C1orf21: variants seen among roughly 807,000 people sequenced by gnomAD.
C1orf21 encodes chromosome 1 open reading frame 21.
A neutral mutation model predicts 18.7 loss-of-function variants in C1orf21; 3 were observed. The observed-to-expected ratio is 0.16, with a 90% CI of 0.07 to 0.42. The LOEUF (loss-of-function observed/expected upper bound fraction) is 0.42. C1orf21 is among the 10% of genes least tolerant of loss of function. The probability of loss-of-function intolerance (pLI) is 0.99; values close to 1 mark genes in which losing one functional copy is unlikely to be tolerated. For synonymous variants in C1orf21, 41 were observed against 46.4 expected (o/e 0.88, Z 0.47); for missense variants, 104 against 143.6 (o/e 0.72, Z 1.41).
At chr1:184,423,790 C>T (rs550709573) in intron 1 of C1orf21, among the ~76,000 whole-genome samples, 1 of 152,044 alleles carries the variant, frequency 6.6e-6, no homozygotes, top group South Asian at 2.1e-4. Context: ...ATCCATTCAT[C>T]CCTCCTTCCA....
At chr1:184,491,173 G>A (rs1203510475) in intron 2 of C1orf21, among the ~76,000 whole-genome samples, 1 of 152,058 alleles carries the variant, frequency 6.6e-6, no homozygotes, top group African/African-American at 2.4e-5. Context: ...TATTTAGAAA[G>A]TTCTCTGGAT....
At chr1:184,571,007 G>A (rs1017627916) in intron 3 of C1orf21, among the ~76,000 whole-genome samples, 4 of 152,086 alleles carry the variant, frequency 2.6e-5, no homozygotes, top group East Asian at 1.9e-4. Context: ...GAAAAGGTAC[G>A]GTAAGGCCGG....
At chr1:184,409,934 G>A (rs1475899372) in intron 1 of C1orf21, among the ~76,000 whole-genome samples, 1 of 152,162 alleles carries the variant, frequency 6.6e-6, no homozygotes, top group Non-Finnish European at 1.5e-5. Context: ...AGGGATTCAT[G>A]TATGAAAAAT....
chr1:184,613,473 A>G (rs1393317345), intron 5 of C1orf21, among the ~76,000 whole-genome samples: 1 of 152,200 alleles, frequency 6.6e-6, no homozygotes, highest in African/African-American at 2.4e-5. Context: ...CAAGCTATTC[A>G]TGTAACAGGG....
intron 3 of C1orf21, among the ~76,000 whole-genome samples, chr1:184,550,099 A>G: frequency 6.6e-6 from 1 of 152,204 alleles, no homozygotes; most frequent in East Asian, 1.9e-4. Context: ...TTAAGTCATG[A>G]TGTGACAAAA....
intron 5 of C1orf21, among the ~76,000 whole-genome samples, chr1:184,616,678 A>G (rs1659828746): frequency 6.6e-6 from 1 of 151,912 alleles, no homozygotes; most frequent in African/African-American, 2.4e-5. Context: ...GCATGTGTGC[A>G]CGTGTGTGTG....
intron 3 of C1orf21, among the ~76,000 whole-genome samples, chr1:184,576,499 T>C (rs1659191621): frequency 6.6e-6 from 1 of 152,224 alleles, no homozygotes; most frequent in Admixed American, 6.5e-5. Context: ...CCTCTCACTG[T>C]CTTGCCAGTT....
At chr1:184,469,266 A>C (rs1053858584) in intron 1 of C1orf21, among the ~76,000 whole-genome samples, 1 of 152,108 alleles carries the variant, frequency 6.6e-6, no homozygotes, top group South Asian at 2.1e-4. Context: ...AAAACAAACG[A>C]ACAAAAAAAA....
intron 3 of C1orf21, among the ~76,000 whole-genome samples, chr1:184,522,498 A>G (rs1658319234): frequency 6.6e-6 from 1 of 152,050 alleles, no homozygotes; most frequent in Non-Finnish European, 1.5e-5. Context: ...TGCGTCTTGT[A>G]GTGTCAGAAA....
chr1:184,417,449 C>G (rs1656470967), intron 1 of C1orf21, among the ~76,000 whole-genome samples: 1 of 152,148 alleles, frequency 6.6e-6, no homozygotes, highest in Non-Finnish European at 1.5e-5. Flanking sequence ...TTATTTTACA[C>G]TACAATAAAG....
chr1:184,424,794 GTCAACT>G, intron 1 of C1orf21, among the ~76,000 whole-genome samples: 1 of 152,284 alleles, frequency 6.6e-6, no homozygotes, highest in South Asian at 2.1e-4. Context: ...ATGCAGGGCT[GTCAACT>G]TCAAAGTCAG....
At chr1:184,520,558 T>C (rs1658292559) in intron 3 of C1orf21, among the ~76,000 whole-genome samples, 1 of 152,186 alleles carries the variant, frequency 6.6e-6, no homozygotes, top group Non-Finnish European at 1.5e-5. Context: ...CTCATTCTAA[T>C]GATTCACAGC....
At chr1:184,527,451 A>G (rs1658394106) in intron 3 of C1orf21, among the ~76,000 whole-genome samples, 1 of 152,194 alleles carries the variant, frequency 6.6e-6, no homozygotes, top group Non-Finnish European at 1.5e-5. Flanking sequence ...ACAATTGATT[A>G]TGTCTCAGAA....
At chr1:184,481,708 T>C (rs1657658551) in intron 2 of C1orf21, among the ~76,000 whole-genome samples, 1 of 152,170 alleles carries the variant, frequency 6.6e-6, no homozygotes, top group Admixed American at 6.5e-5. Context: ...CAGCATTCTA[T>C]CATTTTGTTA....
intron 1 of C1orf21, among the ~76,000 whole-genome samples, chr1:184,410,636 TATATATATATATATATATATATATATA>T (rs1407907826): frequency 0.018 from 71 of 3,864 alleles, 12 homozygotes; most frequent in South Asian, 0.14. Context: ...TATATATATA[TATATATATATATATATATATATATATA>T]TTTTTTTTTT....
At chr1:184,446,345 C>T (rs1207026904) in intron 1 of C1orf21, among the ~76,000 whole-genome samples, 2 of 152,030 alleles carry the variant, frequency 1.3e-5, no homozygotes, top group Non-Finnish European at 2.9e-5. Context: ...ACCTTTTTTA[C>T]TGGCTTCTTT....
chr1:184,592,214 C>T (rs1387578262), intron 4 of C1orf21: 1 of 151,938 alleles, frequency 6.6e-6, no homozygotes, highest in Non-Finnish European at 1.5e-5. Context: ...TATATGTCTT[C>T]TGTGTGTTAG....
chr1:184,543,643 C>T lies in C1orf21; in HGVS notation c.189+35961C>T, dbSNP rs183679711. On this transcript the variant is annotated intron_variant, in intron 3 of 5. Transcript: ENST00000235307. Reference sequence around the variant, plus strand: ...GTTTATTTTTATAAAAATGTTATCACTTCTGGCAGTAGAAACAGGTATATT... The same window carrying T: ...GTTTATTTTTATAAAAATGTTATCATTTCTGGCAGTAGAAACAGGTATATT... 2.6e-5 allele frequency among the ~76,000 whole-genome samples: 4 copies of T among 152,282 alleles called. No individual in the cohort carries two copies. The East Asian group carries it at 7.7e-4, about 29-fold the overall frequency.
intron 3 of C1orf21, among the ~76,000 whole-genome samples, chr1:184,573,794 G>T (rs1659147196): frequency 2.6e-5 from 4 of 151,908 alleles, no homozygotes; most frequent in Admixed American, 2.6e-4. Context: ...TATATCCTTG[G>T]TACAAACCTT....
Sources: gnomAD v4.1 joint callset for allele counts (sites outside exome capture counted in the v4.1 genomes callset) on GRCh38, gnomAD v4.1.1 for gene constraint, MANE v1.5 for transcripts, NCBI Gene and HGNC (gene_info 2026-07-23, HGNC 2026-07-21) for gene names.